The following STARD9 variants were observed in gnomAD, a reference collection of about 807,000 sequenced individuals.
STARD9 encodes the protein stAR-related lipid transfer protein 9.
In STARD9, 346 loss-of-function variants were observed where a neutral mutation model predicts 399.8. That is an observed-to-expected ratio of 0.87 (90% CI 0.79 to 0.95). The LOEUF (loss-of-function observed/expected upper bound fraction) is 0.95. Ranked by LOEUF, STARD9 falls within the 40% of genes least tolerant of loss-of-function variation. STARD9 has a pLI of 0.00. For missense variants in STARD9, 5,832 were observed against 5,667.5 expected, an observed-to-expected ratio of 1.03 and a Z score of -0.93; for synonymous variants, 2,203 against 2,143.5, an observed-to-expected ratio of 1.03 and a Z score of -0.77.
chr15:42,693,151 G>A lies in STARD9; in HGVS notation c.11573G>A (p.Ser3858Asn). 1 of 1,537,102 alleles carries A rather than the reference G, an allele frequency of 6.5e-7. No homozygotes were observed. The highest frequency in any genetic ancestry group is 8.7e-7 in the Non-Finnish European group (1 of 1,146,892). ...PEESYCLVVS[S>N]PSPSSPHSPG... Reference sequence around the variant, plus strand: ...GAGTCATATTGCTTAGTTGTCAGCAGTCCCAGTCCCAGCTCCCCTCATTCC... The same window carrying A: ...GAGTCATATTGCTTAGTTGTCAGCAATCCCAGTCCCAGCTCCCCTCATTCC... The change falls in exon 23 of 33, where the codon AGT becomes AAT. Residue 3858 changes from serine (S) to asparagine (N), a missense_variant. By Grantham distance (46) the Ser-to-Asn change is conservative (BLOSUM62 1). Transcript: ENST00000290607.
chr15:42,639,022 C>G (rs534086296), intron 7 of STARD9, among the ~76,000 whole-genome samples: 2 of 150,628 alleles, frequency 1.3e-5, no homozygotes, highest in African/African-American at 5.0e-5. Context: ...AGGAAACAAA[C>G]AATTACAAGT....
intron 3 of STARD9, among the ~76,000 whole-genome samples, chr15:42,621,427 C>T (rs2059091226): frequency 6.6e-6 from 1 of 152,132 alleles, no homozygotes; most frequent in Non-Finnish European, 1.5e-5. Context: ...ACAAATTTAA[C>T]AGAGCTTAAT....
intron 27 of STARD9, 72 bp downstream of exon 27, chr15:42,716,836 C>T (rs1176947453): frequency 1.3e-6 from 2 of 1,523,598 alleles, no homozygotes; most frequent in African/African-American, 2.7e-5. Context: ...GCTGCTAGAT[C>T]TTAGTGAGTC....
At position 42,690,438 on chromosome 15, in the gene STARD9, C is replaced by T. The variant is rs761974931; in HGVS notation, c.8860C>T (p.Arg2954Ter). 3 of 1,537,068 alleles carry T rather than the reference C, an allele frequency of 2.0e-6. No individual in the cohort carries two copies. The highest frequency in any genetic ancestry group is 1.4e-5 in the African/African-American group (1 of 73,024). Residue 2954 changes from arginine to a stop codon, truncating the protein, a stop_gained, in exon 23 of 33, where the codon CGA (arginine) becomes TGA (stop). Transcript: ENST00000290607. LOFTEE classifies it high-confidence loss of function. ...GAAAGAGAGCAGAACTCTTCCTTGC[C>T]GACAGCCATGCAGTTCTCAACCTGT... ...RGKESRTLPC[R>*]QPCSSQPVAT...
intron 15 of STARD9, 99 bp downstream of exon 15, chr15:42,665,947 A>G: frequency 1.1e-6 from 1 of 942,306 alleles, no homozygotes; most frequent in South Asian, 1.4e-5. Flanking sequence ...AGGGCAGAGA[A>G]GAGCTGTCTC....
chr15:42,684,825 C>T lies in STARD9; in HGVS notation c.3247C>T (p.Leu1083Phe), dbSNP rs759897452. ...AAGGGACCCAGACACCATGGTCCCA[C>T]TCACAGATTTCAGCCCAGTAATGGA... Reference protein sequence around the residue: ...NTRDPDTMVPLTDFSPVMDHS... With the variant: ...NTRDPDTMVPFTDFSPVMDHS... Residue 1083 changes from leucine to phenylalanine, a missense_variant, in exon 23 of 33, where the codon CTC becomes TTC. Leu to Phe is a conservative substitution (Grantham distance 22). Around this residue, in one of 2 missense-constraint regions of STARD9, gnomAD observed 5,828 missense variants for 5,651.1 expected, o/e 1.03. Transcript: ENST00000290607. 76 of 1,537,102 alleles carry T rather than the reference C, an allele frequency of 4.9e-5. No individual in the cohort carries two copies. The highest frequency in any genetic ancestry group is 6.1e-5 in the Non-Finnish European group (70 of 1,146,938).
intron 12 of STARD9, 95 bp from the exon 13 acceptor site, chr15:42,663,725 G>T: frequency 1.0e-6 from 1 of 979,808 alleles, no homozygotes; most frequent in Non-Finnish European, 1.5e-6. Context: ...TTTCATCAGG[G>T]GTCTTATACA....
intron 10 of STARD9, 34 bp from the exon 11 acceptor site, chr15:42,662,760 C>CTTTTGT (rs1043087051): frequency 7.1e-7 from 1 of 1,408,030 alleles, no homozygotes; most frequent in African/African-American, 1.4e-5. Context: ...GTCTTATTTG[C>CTTTTGT]TTTTGTTTTT....
At chr15:42,698,331 A>C (rs1379777939) in intron 26 of STARD9, among the ~76,000 whole-genome samples, 2 of 152,186 alleles carry the variant, frequency 1.3e-5, no homozygotes, top group African/African-American at 4.8e-5. Context: ...CAGATGAGCT[A>C]ATTTATACTC....
At position 42,699,392 on chromosome 15, in the gene STARD9, C is replaced by CTTTTTTTTTTTTTTT. The variant is rs34614271; in HGVS notation, c.13284+3518_13284+3532dup. Among the ~76,000 whole-genome samples the CTTTTTTTTTTTTTTT allele has an allele frequency of 2.7e-3, 311 of 113,268 alleles. 21 individuals are homozygous for CTTTTTTTTTTTTTTT. The highest frequency in any genetic ancestry group is 0.01 in the African/African-American group (247 of 24,534). 74.3% of individuals were successfully genotyped at this position (113,268 alleles called of 152,430 possible). A position where few individuals can be genotyped will look rare whatever the true frequency, so the allele number is the denominator to read the frequency against. ...TCTATGAGATCAACTTTTTTCTTTT[C>CTTTTTTTTTTTTTTT]TTTTTTTTTTTTTTTTTTTTGAGAT... is the stretch of plus-strand genomic sequence containing the variant. On this transcript the variant is annotated intron_variant, in intron 26 of 32. Coordinates refer to ENST00000290607, the MANE Select transcript of STARD9 (RefSeq NM_020759.3).
In STARD9 at chr15:42,653,560, G is replaced by A. The variant is rs576866690; in HGVS notation, c.702+968G>A. ...GTGACTTATACAGTAGAACAATTAC[G>A]TGATGAATGGCTGACTTCTCATCAG... On this transcript the variant is annotated intron_variant, in intron 9 of 32. Transcript: ENST00000290607. Among the ~76,000 whole-genome samples, 115 of 151,998 alleles carry A rather than the reference G, an allele frequency of 7.6e-4. 1 individual carries two copies. The highest frequency in any genetic ancestry group is 7.4e-3 in the Admixed American group (113 of 15,278).
At position 42,685,292 on chromosome 15, in the gene STARD9, G is replaced by A; in HGVS notation, c.3714G>A (p.Leu1238=). Residue 1238 remains leucine (L), a synonymous_variant, in exon 23 of 33, where the codon CTG becomes CTA. Coordinates refer to ENST00000290607, the MANE Select transcript of STARD9 (RefSeq NM_020759.3). The stretch of plus-strand genomic sequence containing the variant: ...TACCCACAGAGACTTTTTGGCACCT[G>A]GAGGACTCTAGTCTGCCTGTAATGG... ...DEIPTETFWH[L]EDSSLPVMDQ... is the part of the protein sequence containing the mutation. The A allele has an allele frequency of 6.5e-7, 1 of 1,537,520 alleles. No homozygotes were observed.
chr15:42,575,644 G>A lies in STARD9; in HGVS notation c.-72G>A. 1 of 1,502,874 alleles carries A rather than the reference G, an allele frequency of 6.7e-7. No individual in the cohort carries two copies. The highest frequency in any genetic ancestry group is 1.2e-5 in the South Asian group (1 of 83,282). The allele number at this position is 1,502,874 out of a possible 1,614,324, so 93.1% of individuals were successfully genotyped here. A position where few individuals can be genotyped will look rare whatever the true frequency, so the allele number is the denominator to read the frequency against. ...GCGGGCGGGGCTGGGTTGGGGCTGT[G>A]TCTGGGCTTAGGGCGGGGGCCTGGG... On this transcript the variant is annotated 5_prime_UTR_variant, in exon 1 of 33. Transcript: ENST00000290607.
At chr15:42,626,405 T>C (rs904630493) in intron 3 of STARD9, among the ~76,000 whole-genome samples, 20 of 145,966 alleles carry the variant, frequency 1.4e-4, no homozygotes, top group East Asian at 1.2e-3. Flanking sequence ...CCTCCTCCTC[T>C]TCTTCCTCCT....
chr15:42,640,671 A>G (rs1427695666), intron 7 of STARD9, among the ~76,000 whole-genome samples: 1 of 152,006 alleles, frequency 6.6e-6, no homozygotes, highest in Admixed American at 6.6e-5. Context: ...AATTCAAAAA[A>G]ATTAGCCGGG....
intron 3 of STARD9, among the ~76,000 whole-genome samples, chr15:42,596,362 C>G (rs1018184464): frequency 1.3e-5 from 2 of 152,086 alleles, no homozygotes; most frequent in African/African-American, 4.8e-5. Context: ...TTGGGTTTGT[C>G]CTGGGTTTAA....
At chr15:42,715,812 T>G (rs2061339049) in intron 26 of STARD9, among the ~76,000 whole-genome samples, 1 of 151,772 alleles carries the variant, frequency 6.6e-6, no homozygotes, top group African/African-American at 2.4e-5. Context: ...GGCCCCCAAA[T>G]TTTTTTTTAA....
intron 3 of STARD9, among the ~76,000 whole-genome samples, chr15:42,605,700 A>C (rs1477074713): frequency 6.6e-6 from 1 of 152,128 alleles, no homozygotes; most frequent in Non-Finnish European, 1.5e-5. Context: ...CGTTCTGGGG[A>C]TATGCGCTGA....
chr15:42,706,800 A>G (rs1053100456), intron 26 of STARD9, among the ~76,000 whole-genome samples: 2 of 152,282 alleles, frequency 1.3e-5, no homozygotes, highest in African/African-American at 4.8e-5. Flanking sequence ...TACTAAGGAA[A>G]TATCCAACTA....
Sources: gnomAD v4.1 joint callset for allele counts (sites outside exome capture counted in the v4.1 genomes callset) on GRCh38, gnomAD v4.1.1 for gene constraint, gnomAD v4.1.1 regional missense constraint, MANE v1.5 for transcripts, NCBI Gene and HGNC (gene_info 2026-07-23, HGNC 2026-07-21) for gene names.